PDCL2: variants seen among roughly 807,000 people sequenced by gnomAD.
PDCL2 encodes the protein phosducin like 2.
PDCL2 carries 23 observed loss-of-function variants against 30.3 expected under a neutral mutation model. That is an observed-to-expected ratio of 0.76 (90% CI 0.55 to 1.08). The LOEUF is 1.08. PDCL2 is among the 50% of genes least tolerant of loss of function. The pLI, the probability that PDCL2 is intolerant of heterozygous loss-of-function variation, is 0.00. For missense variants in PDCL2, 243 were observed against 282.3 expected, an observed-to-expected ratio of 0.86 and a Z score of 1.00; for synonymous variants, 68 against 86.2, an observed-to-expected ratio of 0.79 and a Z score of 1.17.
At chr4:55,559,265 T>A (rs1000615362) in intron 5 of PDCL2, among the ~76,000 whole-genome samples, 2 of 152,190 alleles carry the variant, frequency 1.3e-5, no homozygotes, top group African/African-American at 4.8e-5. Flanking sequence ...ATTCTCCATA[T>A]ATCCTTGAGA....
chr4:55,574,917 A>T (rs2110161364), intron 3 of PDCL2, among the ~76,000 whole-genome samples: 1 of 152,290 alleles, frequency 6.6e-6, no homozygotes, highest in Admixed American at 6.5e-5. Flanking sequence ...TTTCTTGGGT[A>T]TATACCTAGA....
At chr4:55,582,748 C>A (rs1732757954) in intron 1 of PDCL2, among the ~76,000 whole-genome samples, 2 of 123,338 alleles carry the variant, frequency 1.6e-5, no homozygotes, top group Non-Finnish European at 1.7e-5. Flanking sequence ...TAATGCTATC[C>A]CTCCCCCCTC....
intron 3 of PDCL2, among the ~76,000 whole-genome samples, chr4:55,576,315 A>G (rs540412039): frequency 6.6e-6 from 1 of 151,606 alleles, no homozygotes; most frequent in South Asian, 2.1e-4. Context: ...CTGGTCTCAA[A>G]CTCCTGAACT....
intron 1 of PDCL2, among the ~76,000 whole-genome samples, chr4:55,591,245 TG>T (rs1420368407): frequency 6.7e-6 from 1 of 148,674 alleles, no homozygotes; most frequent in Non-Finnish European, 1.5e-5. Context: ...CAGGAGCAGG[TG>T]GGGAAAAGGT....
At chr4:55,579,842 T>C (rs1732665579) in intron 3 of PDCL2, among the ~76,000 whole-genome samples, 2 of 148,532 alleles carry the variant, frequency 1.3e-5, no homozygotes, top group Admixed American at 1.3e-4. Context: ...AATTCACTGG[T>C]TTTTTGTTTG....
chr4:55,557,103 G>C (rs540134155), intron 5 of PDCL2, among the ~76,000 whole-genome samples: 40 of 152,322 alleles, frequency 2.6e-4, no homozygotes, highest in Non-Finnish European at 3.1e-4. Context: ...CTCCCAAAGT[G>C]CTGGGATTAC....
intron 3 of PDCL2, among the ~76,000 whole-genome samples, chr4:55,576,980 C>T (rs940907476): frequency 6.6e-6 from 1 of 151,358 alleles, no homozygotes; most frequent in Non-Finnish European, 1.5e-5. Flanking sequence ...TCACTGCAAC[C>T]TCTGCCTCCC....
At chr4:55,557,657 G>T (rs1177685289) in intron 5 of PDCL2, among the ~76,000 whole-genome samples, 1 of 151,840 alleles carries the variant, frequency 6.6e-6, no homozygotes, top group Non-Finnish European at 1.5e-5. Context: ...CCTCTCACAT[G>T]CAAAAGACAT....
rs779046308 is a variant in PDCL2, at chr4:55,582,201, T to C, written c.43A>G (p.Arg15Gly). ...NEDTEWNDIL[R>G]DFGILPPKEE... is the part of the protein sequence containing the mutation. ...TTAGGAGGAAGAATGCCGAAATCTC[T>C]TAAAATGTCATTCCATTCTGTATCT... The change falls in exon 2 of 6, where the codon AGA becomes GGA. Residue 15 changes from arginine to glycine, a missense_variant. Physicochemically the swap from Arg to Gly is moderately radical, Grantham distance 125. Transcript: ENST00000295645. 4 of 1,611,774 alleles carry C rather than the reference T, an allele frequency of 2.5e-6. No individual in the cohort carries two copies. The highest frequency in any genetic ancestry group is 3.3e-5 in the Admixed American group (2 of 59,794).
chr4:55,581,187 C>T (rs947363830), intron 2 of PDCL2, among the ~76,000 whole-genome samples: 6 of 152,038 alleles, frequency 3.9e-5, no homozygotes, highest in African/African-American at 1.2e-4. Flanking sequence ...CCTAGCTACT[C>T]GGGAGGCTGA....
chr4:55,589,903 G>T (rs1003371917), intron 1 of PDCL2, among the ~76,000 whole-genome samples: 1 of 151,906 alleles, frequency 6.6e-6, no homozygotes, highest in Admixed American at 6.6e-5. Flanking sequence ...TACATTAAGA[G>T]TAAGCTTTGG....
At chr4:55,581,348 C>CA (rs1457568508) in intron 2 of PDCL2, among the ~76,000 whole-genome samples, 2 of 151,392 alleles carry the variant, frequency 1.3e-5, no homozygotes, top group Non-Finnish European at 2.9e-5. Context: ...AGCCAGCCAC[C>CA]AAAAAAAGCT....
intron 5 of PDCL2, among the ~76,000 whole-genome samples, chr4:55,558,345 G>A (rs1577902438): frequency 6.6e-6 from 1 of 152,088 alleles, no homozygotes; most frequent in Non-Finnish European, 1.5e-5. Flanking sequence ...TTGATACTGA[G>A]TGAGTTCTCA....
At chr4:55,558,125 CA>C (rs34621105) in intron 5 of PDCL2, among the ~76,000 whole-genome samples, 45,407 of 121,848 alleles carry the variant, frequency 0.37, 7,190 homozygotes, top group East Asian at 0.57. Context: ...GACTCCGTCT[CA>C]AAAAAAAAAA....
chr4:55,570,912 A>G (rs1302243246), intron 3 of PDCL2, among the ~76,000 whole-genome samples: 1 of 152,082 alleles, frequency 6.6e-6, no homozygotes, highest in Non-Finnish European at 1.5e-5. Flanking sequence ...TGTATTCTTG[A>G]TGCTCTGGCA....
At chr4:55,564,684 G>T (rs763555135) in intron 4 of PDCL2, among the ~76,000 whole-genome samples, 1 of 152,178 alleles carries the variant, frequency 6.6e-6, no homozygotes, top group Non-Finnish European at 1.5e-5. Context: ...ACCTTAAGGA[G>T]GCTAAGCCTT....
chr4:55,564,961 G>A (rs1274967252), intron 4 of PDCL2, among the ~76,000 whole-genome samples: 1 of 152,118 alleles, frequency 6.6e-6, no homozygotes, highest in Non-Finnish European at 1.5e-5. Context: ...CTAACTCTGG[G>A]AGAATTTCAG....
intron 3 of PDCL2, among the ~76,000 whole-genome samples, chr4:55,574,265 T>TA (rs1442135520): frequency 2.0e-5 from 3 of 152,190 alleles, no homozygotes; most frequent in African/African-American, 7.2e-5. Context: ...ATCTCTGTGG[T>TA]AGAGACAGGT....
chr4:55,576,153 G>A (rs567542900), intron 3 of PDCL2, among the ~76,000 whole-genome samples: 28 of 151,930 alleles, frequency 1.8e-4, no homozygotes, highest in Non-Finnish European at 3.2e-4. Context: ...GTGCCGTGGC[G>A]CGATCTTAGC....
Sources: gnomAD v4.1 joint callset for allele counts (sites outside exome capture counted in the v4.1 genomes callset) on GRCh38, gnomAD v4.1.1 for gene constraint, MANE v1.5 for transcripts, NCBI Gene and HGNC (gene_info 2026-07-23, HGNC 2026-07-21) for gene names.